The following TUBGCP3 variants were observed in gnomAD, a reference collection of about 807,000 sequenced individuals.
TUBGCP3 encodes the protein gamma-tubulin complex component 3.
TUBGCP3 carries 50 observed loss-of-function variants against 123.1 expected under a neutral mutation model. The ratio of observed to expected loss-of-function variants is 0.41; its 90% confidence interval spans 0.32 to 0.51. TUBGCP3 has a LOEUF of 0.51. Ranked by LOEUF, TUBGCP3 falls within the 20% of genes least tolerant of loss-of-function variation. The pLI, the probability that TUBGCP3 is intolerant of heterozygous loss-of-function variation, is 0.36. For synonymous variants in TUBGCP3, 405 were observed against 413.9 expected (o/e 0.98, Z 0.26); for missense variants, 882 against 1,127.0 (o/e 0.78, Z 3.11).
At position 112,485,871 on chromosome 13, in the gene TUBGCP3, C is replaced by T. The variant is rs867795587; in HGVS notation, c.*122G>A. The T allele has an allele frequency of 1.5e-5, 13 of 875,456 alleles. No individual in the cohort carries two copies. The Middle Eastern group carries it at 8.7e-4, about 58-fold the overall frequency. 54.2% of individuals were successfully genotyped at this position (875,456 alleles called of 1,614,324 possible). A position where few individuals can be genotyped will look rare whatever the true frequency, so the allele number is the denominator to read the frequency against. ...CACACGCCGCTCCGCTGAAACATGG[C>T]GCACTCGTGGGCGGAAGGGCAGGAC... On this transcript the variant is annotated 3_prime_UTR_variant, in exon 22 of 22. Coordinates refer to ENST00000261965, the MANE Select transcript of TUBGCP3 (RefSeq NM_006322.6).
At chr13:112,547,496 T>TGCCAGACGCGCGTGGGA in intron 10 of TUBGCP3, 124 bp downstream of exon 10, 1 of 1,325,362 alleles carries the variant, frequency 7.5e-7, no homozygotes, top group Non-Finnish European at 9.7e-7. Flanking sequence ...ACAAAGCGAG[T>TGCCAGACGCGCGTGGGA]GCCAGACGCG....
rs751717835 is a variant in TUBGCP3 at position 112,501,380 on chromosome 13, C to T, written c.2308-2195G>A. Among the ~76,000 whole-genome samples, 71 of 152,210 alleles carry T rather than the reference C, an allele frequency of 4.7e-4. 2 individuals are homozygous for T. Among genetic ancestry groups the T allele is most frequent in the Non-Finnish European group, 4.4e-4 (30 of 68,036 alleles). The stretch of plus-strand genomic sequence containing the variant: ...CTACAAGGTGACCCACTGACATTGA[C>T]TTCAAGCTCAGGCTGCCAGGCAGGG... On this transcript the variant is annotated intron_variant, in intron 19 of 21. Coordinates refer to ENST00000261965, the MANE Select transcript of TUBGCP3 (RefSeq NM_006322.6).
intron 2 of TUBGCP3, 112 bp from the exon 3 acceptor site, chr13:112,565,290 A>G: frequency 1.1e-6 from 1 of 900,282 alleles, no homozygotes; most frequent in Non-Finnish European, 1.7e-6. Flanking sequence ...TCAGAGTCAA[A>G]AGTCACTGTC....
At chr13:112,496,624 C>T (rs1007285035) in intron 20 of TUBGCP3, among the ~76,000 whole-genome samples, 3 of 152,208 alleles carry the variant, frequency 2.0e-5, no homozygotes, top group African/African-American at 7.2e-5. Flanking sequence ...CTCACTGTGA[C>T]GGCTAACTGC....
Position 112,521,590 on chromosome 13 carries a change from A to T in TUBGCP3, c.1745+730T>A, listed in dbSNP as rs1876630995. 4 of 895,218 alleles carry T rather than the reference A, an allele frequency of 4.5e-6. No homozygotes were observed. In the Admixed American group the frequency reaches 1.9e-4, roughly 42 times the overall value. 55.5% of individuals were successfully genotyped at this position (895,218 alleles called of 1,614,324 possible). ...ACTTGAGGACCTGAGGCCTAAAACA[A>T]TTGCTTGGGGAGCACTGGCAGGGTT... On this transcript the variant is annotated intron_variant, in intron 14 of 21. Transcript: ENST00000261965.
chr13:112,574,982 G>T (rs1881696432), intron 1 of TUBGCP3, among the ~76,000 whole-genome samples: 1 of 152,174 alleles, frequency 6.6e-6, no homozygotes, highest in Non-Finnish European at 1.5e-5. Context: ...CCAGCCCTGC[G>T]CCAGGCTACC....
At chr13:112,531,348 C>T (rs1877555866) in intron 11 of TUBGCP3, among the ~76,000 whole-genome samples, 1 of 152,118 alleles carries the variant, frequency 6.6e-6, no homozygotes, top group African/African-American at 2.4e-5. Context: ...TCTATATTGC[C>T]CTTCAGGGGT....
chr13:112,576,876 A>C (rs890967388), intron 1 of TUBGCP3, among the ~76,000 whole-genome samples: 1 of 151,952 alleles, frequency 6.6e-6, no homozygotes, highest in African/African-American at 2.4e-5. Flanking sequence ...AACAAAACTC[A>C]AAGTACACAT....
chr13:112,504,501 GA>G, intron 18 of TUBGCP3, 124 bp downstream of exon 18: 2 of 594,708 alleles, frequency 3.4e-6, no homozygotes, highest in African/African-American at 2.2e-5. Context: ...AAAAAAAAAA[GA>G]AAAAATTATG....
rs912083186 is a variant in TUBGCP3, at chr13:112,499,056, G to T, written c.2437C>A (p.Arg813Ser). 6.2e-7 allele frequency: 1 copy of T among 1,613,938 alleles called. No individual in the cohort carries two copies. The highest frequency in any genetic ancestry group is 8.5e-7 in the Non-Finnish European group (1 of 1,180,004). The change falls in exon 20 of 22, where the codon CGT (arginine) becomes AGT (serine). Residue 813 changes from arginine to serine, a missense_variant. Coordinates refer to ENST00000261965, the MANE Select transcript of TUBGCP3 (RefSeq NM_006322.6). ...TGTAAAGACCATACCTCAATTTCAC[G>T]CTGTTTCTTTTTCTCTTCAAACTGT... Reference protein sequence around the residue: ...RLQFEEKKKQREIEGQWGVTA... With the variant: ...RLQFEEKKKQSEIEGQWGVTA...
chr13:112,504,510 A>ATG, intron 18 of TUBGCP3, 116 bp downstream of exon 18: 1 of 686,102 alleles, frequency 1.5e-6, no homozygotes, highest in Non-Finnish European at 2.2e-6. Context: ...AGAAAAAATT[A>ATG]TGTATATATA....
rs1241395854 is a variant in TUBGCP3, at chr13:112,585,663, T to C, written c.76+2242A>G. Among the ~76,000 whole-genome samples the C allele has an allele frequency of 2.6e-5, 4 of 152,040 alleles. No homozygotes were observed. In the South Asian group the frequency reaches 8.3e-4, roughly 32 times the overall value. On this transcript the variant is annotated intron_variant, in intron 1 of 21. Transcript: ENST00000261965. ...GGCATACACCTGTAATCCCAACTAC[T>C]TGGGGGGCTGATGCAGGAGAATCAC...
intron 17 of TUBGCP3, among the ~76,000 whole-genome samples, chr13:112,509,799 A>T (rs1251445431): frequency 6.6e-6 from 1 of 152,218 alleles, no homozygotes; most frequent in Non-Finnish European, 1.5e-5. Flanking sequence ...ATTAAACACT[A>T]CAGGCAATAG....
In TUBGCP3 at chr13:112,519,687, C is replaced by G. The variant is rs1321701696; in HGVS notation, c.1881+199G>C. ...CGCTGCAAGATGGGCAAACGGAAAC[C>G]CAGATGGTGGAGAGGGAGCAGATGT... On this transcript the variant is annotated intron_variant, in intron 15 of 21. Transcript: ENST00000261965. This position sits in a 1 kb window ranked among gnomAD's most constrained non-coding sequence, Gnocchi z 6.2. 6.6e-6 allele frequency among the ~76,000 whole-genome samples: 1 copy of G among 152,212 alleles called. No homozygotes were observed. The highest frequency in any genetic ancestry group is 2.1e-4 in the South Asian group (1 of 4,830).
intron 2 of TUBGCP3, among the ~76,000 whole-genome samples, chr13:112,568,453 G>A (rs569491404): frequency 2.7e-5 from 4 of 150,666 alleles, no homozygotes; most frequent in East Asian, 2.0e-4. Context: ...CTTCTAGAAC[G>A]TGTTATTACT....
intron 11 of TUBGCP3, among the ~76,000 whole-genome samples, chr13:112,538,616 C>T (rs139572261): frequency 2.6e-4 from 39 of 152,250 alleles, no homozygotes; most frequent in Non-Finnish European, 4.4e-4. Flanking sequence ...TCCTTTTTAA[C>T]TCCAGAATTT....
chr13:112,584,476 G>A (rs190386930), intron 1 of TUBGCP3, among the ~76,000 whole-genome samples: 12 of 152,286 alleles, frequency 7.9e-5, no homozygotes, highest in African/African-American at 2.6e-4. Context: ...ACCAAAGGAA[G>A]ATCACATGGT....
chr13:112,565,714 C>T (rs1880902963), intron 2 of TUBGCP3, among the ~76,000 whole-genome samples: 1 of 152,174 alleles, frequency 6.6e-6, no homozygotes, highest in Non-Finnish European at 1.5e-5. Flanking sequence ...GCAGGTGGAT[C>T]ACAAGGTCAG....
upstream of TUBGCP3, among the ~76,000 whole-genome samples, chr13:112,588,549 AC>A (rs1882792988): frequency 6.6e-6 from 1 of 152,164 alleles, no homozygotes; most frequent in Non-Finnish European, 1.5e-5. Flanking sequence ...TTCACCTGCT[AC>A]GCTATCCAAC....
Sources: allele counts gnomAD v4.1 joint callset (sites outside exome capture counted in the v4.1 genomes callset), GRCh38; gene constraint gnomAD v4.1.1; non-coding constraint Gnocchi (gnomAD v3.1); transcripts MANE v1.5; gene names NCBI Gene and HGNC (gene_info 2026-07-23, HGNC 2026-07-21).